The following NOTCH2 variants were observed in gnomAD, a reference collection of about 807,000 sequenced individuals.
NOTCH2 encodes notch receptor 2.
NOTCH2 carries 29 observed loss-of-function variants against 235.8 expected under a neutral mutation model. The observed-to-expected ratio is 0.12, with a 90% CI of 0.09 to 0.17. NOTCH2 has a LOEUF of 0.17. Ranked by LOEUF, NOTCH2 falls within the 10% of genes least tolerant of loss-of-function variation. The pLI is 1.00. For synonymous variants in NOTCH2, 1,086 were observed against 1,141.5 expected, an observed-to-expected ratio of 0.95 and a Z score of 0.98; for missense variants, 2,285 against 3,150.2, an observed-to-expected ratio of 0.73 and a Z score of 6.57.
intron 1 of NOTCH2, 37 bp downstream of exon 1, chr1:120,069,297 G>A (rs1553217875): frequency 4.6e-6 from 7 of 1,537,260 alleles, no homozygotes; most frequent in Middle Eastern, 2.2e-4. Context: ...TGGCAGCCCC[G>A]GGCGCCGCGG....
chr1:120,006,181 G>A (rs2101245175), intron 2 of NOTCH2, among the ~76,000 whole-genome samples: 1 of 152,004 alleles, frequency 6.6e-6, no homozygotes, highest in Non-Finnish European at 1.5e-5. Context: ...TCAGGTGGCT[G>A]ACATTACAAC....
intron 4 of NOTCH2, chr1:119,994,527 T>TACAC (rs1275320562): frequency 6.9e-5 from 7 of 101,514 alleles, no homozygotes; most frequent in African/African-American, 2.1e-4. Context: ...GCCATATATA[T>TACAC]ATACACACAC....
At chr1:120,029,134 A>T (rs1260066258) in intron 2 of NOTCH2, among the ~76,000 whole-genome samples, 1 of 149,086 alleles carries the variant, frequency 6.7e-6, no homozygotes, top group Non-Finnish European at 1.5e-5. Context: ...ACACATGCAC[A>T]CATCTTCCTC....
intron 11 of NOTCH2, among the ~76,000 whole-genome samples, chr1:119,960,475 T>C (rs1650894225): frequency 6.6e-6 from 1 of 150,428 alleles, no homozygotes; most frequent in Non-Finnish European, 1.5e-5. Flanking sequence ...TTGTAATATA[T>C]TTCACAAATA....
At chr1:119,954,890 T>C in intron 13 of NOTCH2, 150 bp downstream of exon 13, 1 of 751,860 alleles carries the variant, frequency 1.3e-6, no homozygotes, top group South Asian at 1.5e-5. Flanking sequence ...GATTAAATGG[T>C]AATTCAGAAG....
At chr1:119,917,560 T>A in intron 33 of NOTCH2, 105 bp downstream of exon 33, 2 of 835,768 alleles carry the variant, frequency 2.4e-6, no homozygotes, top group Non-Finnish European at 4.2e-6. Context: ...TGCTTCCATC[T>A]TTGTCTATAC....
rs587602756 is a variant in NOTCH2, at chr1:120,035,384, C to T, written c.74-5397G>A. On this transcript the variant is annotated intron_variant, in intron 1 of 33. Transcript: ENST00000256646. ...AAGGACAAGCCATTTCTTACTTTAA[C>T]GAGTCTAGGCTCCCATGCTGGCCTT... 1.6e-4 allele frequency among the ~76,000 whole-genome samples: 24 copies of T among 151,738 alleles called. No individual in the cohort carries two copies. In the East Asian group the frequency reaches 2.3e-3, roughly 15 times the overall value.
At chr1:119,921,691 G>C in intron 29 of NOTCH2, 22 bp downstream of exon 29, 1 of 1,593,648 alleles carries the variant, frequency 6.3e-7, no homozygotes, top group Non-Finnish European at 8.6e-7. Flanking sequence ...TGACAATGGT[G>C]GTTCTACCAT....
In NOTCH2 at chr1:119,937,937, T is replaced by C. The variant is rs1465181496; in HGVS notation, c.3257A>G (p.Gln1086Arg). The C allele has an allele frequency of 6.2e-7, 1 of 1,614,072 alleles. No homozygotes were observed. The highest frequency in any genetic ancestry group is 1.3e-5 in the African/African-American group (1 of 74,948). The stretch of plus-strand genomic sequence containing the variant: ...AGCCCATCCAGATGGACATAGGCAC[T>C]GGGACTCTGCTTTTTTCTGAACGCA... The part of the protein sequence containing the change: ...GTCVQKKAES[Q>R]CLCPSGWAGA... The change falls in exon 20 of 34, where the codon CAG becomes CGG. Residue 1086 changes from glutamine (Q) to arginine (R), a missense_variant. Physicochemically the swap from Gln to Arg is conservative, Grantham distance 43. Transcript: ENST00000256646.
intron 1 of NOTCH2, among the ~76,000 whole-genome samples, chr1:120,034,335 CAAAAAA>C (rs558577685): frequency 9.0e-5 from 5 of 55,760 alleles, no homozygotes; most frequent in African/African-American, 7.3e-4. Context: ...TCTACTCCAC[CAAAAAA>C]AAAAAAAAAA....
At chr1:120,063,558 C>T (rs1269552486) in intron 1 of NOTCH2, among the ~76,000 whole-genome samples, 2 of 152,216 alleles carry the variant, frequency 1.3e-5, no homozygotes, top group Non-Finnish European at 2.9e-5. Context: ...GACAAAACAA[C>T]TTTACTAACC....
intron 17 of NOTCH2, among the ~76,000 whole-genome samples, chr1:119,944,703 T>C (rs140807050): frequency 4.7e-4 from 72 of 152,248 alleles, no homozygotes; most frequent in African/African-American, 1.7e-3. Flanking sequence ...TCAGAAATAA[T>C]GCAAGGAAGA....
chr1:120,000,747 C>T (rs1553205187), intron 3 of NOTCH2, among the ~76,000 whole-genome samples: 1 of 151,192 alleles, frequency 6.6e-6, no homozygotes, highest in African/African-American at 2.4e-5. Flanking sequence ...CAAAACAACT[C>T]AAAACTGACA....
chr1:119,940,626 C>T lies in NOTCH2; in HGVS notation c.3112G>A (p.Gly1038Arg), dbSNP rs1553196332. Residue 1038 changes from glycine (G) to arginine (R), a missense_variant, in exon 19 of 34, where the codon GGA becomes AGA. Physicochemically the swap from Gly to Arg is moderately radical, Grantham distance 125. Transcript: ENST00000256646. ...ECSSHPCLNE[G>R]TCVDGLGTYR... The stretch of plus-strand genomic sequence containing the variant: ...GTACCCAGGCCATCAACACACGTTC[C>T]CTCATTCAGGCATGGATGAGAGCTG... 6.2e-7 allele frequency: 1 copy of T among 1,614,058 alleles called. No homozygotes were observed. The highest frequency in any genetic ancestry group is 8.5e-7 in the Non-Finnish European group (1 of 1,179,954).
At chr1:120,058,153 TGATA>T (rs1553215548) in intron 1 of NOTCH2, among the ~76,000 whole-genome samples, 2 of 151,970 alleles carry the variant, frequency 1.3e-5, no homozygotes, top group African/African-American at 4.8e-5. Flanking sequence ...CCTAGCAGAA[TGATA>T]GACACATAAT....
intron 5 of NOTCH2, among the ~76,000 whole-genome samples, chr1:119,970,813 T>A (rs1000320403): frequency 2.6e-5 from 4 of 152,218 alleles, no homozygotes; most frequent in Non-Finnish European, 4.4e-5. Context: ...GAACTAAAAT[T>A]TAGATCATCC....
intron 1 of NOTCH2, among the ~76,000 whole-genome samples, chr1:120,037,827 G>A (rs1292371328): frequency 6.6e-6 from 1 of 151,594 alleles, no homozygotes; most frequent in African/African-American, 2.4e-5. Context: ...ATTAAGAACT[G>A]GGCTATAGGG....
In NOTCH2 at chr1:119,911,994, T is replaced by G. The variant is rs1220025609; in HGVS notation, c.*3312A>C. 1 of 233,414 alleles carries G rather than the reference T, an allele frequency of 4.3e-6. No homozygotes were observed. The highest frequency in any genetic ancestry group is 8.5e-6 in the Non-Finnish European group (1 of 118,056). The allele number at this position is 233,414 out of a possible 1,614,324, so 14.5% of individuals were successfully genotyped here. ...TTTGCTCTCTCAGCAAATTATGACATCATGAGGTAACACTGCCAGGCCATG... is the reference window on the plus strand; with the variant it reads ...TTTGCTCTCTCAGCAAATTATGACAGCATGAGGTAACACTGCCAGGCCATG... On this transcript the variant is annotated 3_prime_UTR_variant, in exon 34 of 34. Coordinates refer to ENST00000256646, the MANE Select transcript of NOTCH2 (RefSeq NM_024408.4).
chr1:119,950,889 T>A (rs1013566803), intron 14 of NOTCH2, 52 bp from the exon 15 acceptor site: 21 of 1,139,188 alleles, frequency 1.8e-5, no homozygotes, highest in Non-Finnish European at 2.7e-5. Flanking sequence ...GACAGCCTCA[T>A]CAATTTCTAA....
Sources: gnomAD v4.1 joint callset for allele counts (sites outside exome capture counted in the v4.1 genomes callset) on GRCh38, gnomAD v4.1.1 for gene constraint, MANE v1.5 for transcripts, NCBI Gene and HGNC (gene_info 2026-07-23, HGNC 2026-07-21) for gene names.